The following ARHGEF19 variants were observed in gnomAD, a reference collection of about 807,000 sequenced individuals.
ARHGEF19 encodes the protein Rho guanine nucleotide exchange factor 19.
Under a neutral mutation model 87.6 loss-of-function variants are expected in ARHGEF19, and 92 were observed. The ratio of observed to expected loss-of-function variants is 1.05; its 90% CI spans 0.89 to 1.25. The LOEUF (loss-of-function observed/expected upper bound fraction) is 1.25, where lower values mean the gene tolerates loss of function less well. Among genes scored for constraint, ARHGEF19 ranks in the 50% most tolerant of loss-of-function variants. The pLI is 0.00. For synonymous variants in ARHGEF19, 438 were observed against 446.2 expected (o/e 0.98, Z 0.23); for missense variants, 1,054 against 1,051.8 (o/e 1.00, Z -0.03).
intron 13 of ARHGEF19, 24 bp from the exon 14 acceptor site, chr1:16,201,885 G>A (rs1441667824): frequency 1.1e-5 from 17 of 1,611,130 alleles, no homozygotes; most frequent in Non-Finnish European, 1.4e-5. Context: ...AGGCTAAGTT[G>A]TCACAATATG....
Position 16,207,449 on chromosome 1 carries a change from C to T in ARHGEF19, c.874+73G>A. On this transcript the variant is annotated intron_variant, in intron 5 of 15. Coordinates refer to ENST00000270747, the MANE Select transcript of ARHGEF19 (RefSeq NM_153213.5). The surrounding 1 kb of genome is among the most constrained non-coding windows in gnomAD (Gnocchi z 4.0). ...GATCCCTACCTCTCAACTCTCCAAA[C>T]CCTCTTTTCCCCGTTTCCACACCGC... is the stretch of plus-strand genomic sequence containing the variant. 6.3e-7 allele frequency: 1 copy of T among 1,577,252 alleles called. No homozygotes were observed. The highest frequency in any genetic ancestry group is 8.7e-7 in the Non-Finnish European group (1 of 1,152,544).
rs201415943 is a variant in ARHGEF19, at chr1:16,202,497, C to A, written c.1985G>T (p.Gly662Val). 142 of 1,614,192 alleles carry A rather than the reference C, an allele frequency of 8.8e-5. 1 individual carries two copies. The Middle Eastern group carries it at 1.8e-3, about 21-fold the overall frequency. ...QVRDLSLKLQGIPGHVFLLQL... is the reference protein window; with the variant it reads ...QVRDLSLKLQVIPGHVFLLQL... ...GAGGAGGAACACGTGGCCGGGGATGCCCTGCAGCTTCAGGCTCAGGTCCCG... is the reference window on the plus strand; with the variant it reads ...GAGGAGGAACACGTGGCCGGGGATGACCTGCAGCTTCAGGCTCAGGTCCCG... The change falls in exon 13 of 16, where the codon GGC becomes GTC. Residue 662 changes from glycine (G) to valine (V), a missense_variant. By Grantham distance (109) the Gly-to-Val change is moderately radical. Coordinates refer to ENST00000270747, the MANE Select transcript of ARHGEF19 (RefSeq NM_153213.5).
rs79917870 is a variant in ARHGEF19, at chr1:16,203,903, T to A, written c.1907+856A>T. 2.9e-3 allele frequency among the ~76,000 whole-genome samples: 436 copies of A among 152,360 alleles called. 1 individual carries two copies. Among genetic ancestry groups the A allele is most frequent in the African/African-American group, 0.01 (419 of 41,572 alleles). ...TATTTTCACTGTCTGAGAGCTTCTG[T>A]GAGCAGAAAACAAGTCTCATTCATA... On this transcript the variant is annotated intron_variant, in intron 12 of 15. Coordinates refer to ENST00000270747, the MANE Select transcript of ARHGEF19 (RefSeq NM_153213.5).
In ARHGEF19 at chr1:16,206,258, T is replaced by A; in HGVS notation, c.1220A>T (p.Glu407Val). Residue 407 changes from glutamate (E) to valine (V), a missense_variant, in exon 7 of 16, where the codon GAG (glutamate) becomes GTG (valine). Coordinates refer to ENST00000270747, the MANE Select transcript of ARHGEF19 (RefSeq NM_153213.5). The surrounding 1 kb of genome is among the most constrained non-coding windows in gnomAD (Gnocchi z 4.6). Reference protein sequence around the residue: ...VAVGHFLGSAELSECLGAQDK... With the variant: ...VAVGHFLGSAVLSECLGAQDK... ...CTGCGCCCCCAGACACTCGCTCAGC[T>A]CGGCAGAGCCTAAGAAGTGGCCCAC... 1.3e-6 allele frequency: 2 copies of A among 1,592,012 alleles called. No homozygotes were observed. Among genetic ancestry groups the A allele is most frequent in the Non-Finnish European group, 1.7e-6 (2 of 1,169,594 alleles).
chr1:16,207,760 C>G lies in ARHGEF19; in HGVS notation c.712G>C (p.Glu238Gln), dbSNP rs221057. The change falls in exon 4 of 16, where the codon GAG becomes CAG. Residue 238 changes from glutamate (E) to glutamine (Q), a missense_variant. Transcript: ENST00000270747. The surrounding 1 kb of genome is among the most constrained non-coding windows in gnomAD (Gnocchi z 4.0). ...CCGCTCATCTCTACACTTCGAGCCT[C>G]CATTCCAGATGCTTTCCCTGGAGAG... ...AAREGKASGM[E>Q]ARSVEMSGDR... 0.26 allele frequency: 426,346 copies of G among 1,613,732 alleles called. 59,611 individuals carry two copies. Among genetic ancestry groups the G allele is most frequent in the Admixed American group, 0.43 (25,819 of 60,014 alleles).
chr1:16,202,272 C>T lies in ARHGEF19; in HGVS notation c.2066+144G>A. 3 of 1,267,516 alleles carry T rather than the reference C, an allele frequency of 2.4e-6. No individual in the cohort carries two copies. The South Asian group carries it at 4.5e-5, about 19-fold the overall frequency. 78.5% of individuals were successfully genotyped at this position (1,267,516 alleles called of 1,614,324 possible). On this transcript the variant is annotated intron_variant, in intron 13 of 15. Coordinates refer to ENST00000270747, the MANE Select transcript of ARHGEF19 (RefSeq NM_153213.5). The stretch of plus-strand genomic sequence containing the variant: ...CTCTGCCCCTGTGTCCTGCCCAAGT[C>T]AGGGAAGAGTTGAGCACTTGGGGAG...
chr1:16,209,223 T>A (rs2081175782), intron 1 of ARHGEF19, 140 bp from the exon 2 acceptor site: 1 of 522,470 alleles, frequency 1.9e-6, no homozygotes, highest in Non-Finnish European at 3.0e-6. Context: ...TCTAATTATA[T>A]AGAAATAGCT....
At chr1:16,203,150 A>G (rs1009294177) in intron 12 of ARHGEF19, among the ~76,000 whole-genome samples, 1 of 151,760 alleles carries the variant, frequency 6.6e-6, no homozygotes, top group Non-Finnish European at 1.5e-5. Flanking sequence ...CTGACCCACA[A>G]TTTGGGCTCA....
intron 1 of ARHGEF19, 60 bp downstream of exon 1, chr1:16,212,442 C>T (rs2081205427): frequency 6.5e-6 from 1 of 152,720 alleles, no homozygotes; most frequent in South Asian, 2.1e-4. Context: ...AAAGGGCTCA[C>T]TCAGCGGGGA....
chr1:16,207,377 C>T lies in ARHGEF19; in HGVS notation c.874+145G>A. ...ATTCATTCCATAAACAAATTGAGCA[C>T]CTACTGAGTGCTAGATACCGACAGT... On this transcript the variant is annotated intron_variant, in intron 5 of 15. Coordinates refer to ENST00000270747, the MANE Select transcript of ARHGEF19 (RefSeq NM_153213.5). The surrounding 1 kb of genome is among the most constrained non-coding windows in gnomAD (Gnocchi z 4.0). 3.8e-6 allele frequency: 5 copies of T among 1,332,166 alleles called. No individual in the cohort carries two copies. The highest frequency in any genetic ancestry group is 5.1e-6 in the Non-Finnish European group (5 of 982,640). The allele number at this position is 1,332,166 out of a possible 1,614,324, so 82.5% of individuals were successfully genotyped here.
In ARHGEF19 at chr1:16,207,879, C is replaced by G; in HGVS notation, c.694+65G>C. 2 of 1,582,656 alleles carry G rather than the reference C, an allele frequency of 1.3e-6. No individual in the cohort carries two copies. Among genetic ancestry groups the G allele is most frequent in the Non-Finnish European group, 1.7e-6 (2 of 1,164,510 alleles). On this transcript the variant is annotated intron_variant, in intron 3 of 15. Transcript: ENST00000270747. This position sits in a 1 kb window ranked among gnomAD's most constrained non-coding sequence, Gnocchi z 4.0. ...CGGCCTCAGGCGGCCGGTGAGTGGGCATCGCCCACCCCCACCCCCACCCGG... is the reference window on the plus strand; with the variant it reads ...CGGCCTCAGGCGGCCGGTGAGTGGGGATCGCCCACCCCCACCCCCACCCGG...
chr1:16,207,224 G>T lies in ARHGEF19; in HGVS notation c.875-14C>A. On this transcript the variant is annotated splice_polypyrimidine_tract_variant and intron_variant, in intron 5 of 15. Transcript: ENST00000270747. The surrounding 1 kb of genome is among the most constrained non-coding windows in gnomAD (Gnocchi z 4.0). ...GATAGAGGACGGCTGGGGGAAAGAC[G>T]GGCGGGGGAGAGCGTGGGGCGCCCG... 1.3e-6 allele frequency: 2 copies of T among 1,495,952 alleles called. No homozygotes were observed. The highest frequency in any genetic ancestry group is 8.9e-7 in the Non-Finnish European group (1 of 1,127,774). The allele number at this position is 1,495,952 out of a possible 1,614,324, so 92.7% of individuals were successfully genotyped here.
chr1:16,200,172 T>C (rs1210323560), intron 14 of ARHGEF19, among the ~76,000 whole-genome samples: 2 of 152,212 alleles, frequency 1.3e-5, no homozygotes, highest in Non-Finnish European at 2.9e-5. Flanking sequence ...GGTGGGCTGG[T>C]AGCATCCAAA....
At chr1:16,201,000 G>A (rs2100263328) in intron 14 of ARHGEF19, among the ~76,000 whole-genome samples, 1 of 152,290 alleles carries the variant, frequency 6.6e-6, no homozygotes, top group East Asian at 1.9e-4. Flanking sequence ...GATTGCTTGA[G>A]TCCAGGAGTT....
At chr1:16,203,171 G>C (rs1030334607) in intron 12 of ARHGEF19, among the ~76,000 whole-genome samples, 1 of 144,448 alleles carries the variant, frequency 6.9e-6, no homozygotes, top group Admixed American at 7.5e-5. Context: ...GTAAGTACTT[G>C]TAGGCAGGAT....
intron 1 of ARHGEF19, among the ~76,000 whole-genome samples, chr1:16,209,872 A>C (rs1218745814): frequency 6.6e-6 from 1 of 152,188 alleles, no homozygotes; most frequent in Non-Finnish European, 1.5e-5. Flanking sequence ...ATGGACTGGC[A>C]GGCGGGCCAC....
rs753252668 is a variant in ARHGEF19 at position 16,205,533 on chromosome 1, G to A, written c.1581+5C>T. 1.9e-6 allele frequency: 3 copies of A among 1,613,984 alleles called. No homozygotes were observed. The highest frequency in any genetic ancestry group is 1.3e-5 in the African/African-American group (1 of 74,994). ...CCCTCACTGTGGCCTGTCCCCTCGA[G>A]GTACCTCCACCAACATCTTGAGGCG... On this transcript the variant is annotated splice_donor_5th_base_variant and intron_variant, in intron 9 of 15. Coordinates refer to ENST00000270747, the MANE Select transcript of ARHGEF19 (RefSeq NM_153213.5). This position sits in a 1 kb window ranked among gnomAD's most constrained non-coding sequence, Gnocchi z 5.8.
chr1:16,208,706 A>T lies in ARHGEF19; in HGVS notation c.349T>A (p.Trp117Arg). Residue 117 changes from tryptophan to arginine, a missense_variant, in exon 2 of 16, where the codon TGG (tryptophan) becomes AGG (arginine). Transcript: ENST00000270747. ...GAQPPALEGPWSPRHTQPQRR... is the reference protein window; with the variant it reads ...GAQPPALEGPRSPRHTQPQRR... ...TGTGGCTGTGTGTGTCGGGGACTCC[A>T]GGGTCCCTCCAGAGCTGGGGGCTGG... The T allele has an allele frequency of 6.2e-7, 1 of 1,607,428 alleles. No individual in the cohort carries two copies. The highest frequency in any genetic ancestry group is 8.5e-7 in the Non-Finnish European group (1 of 1,177,956).
At position 16,207,327 on chromosome 1, in the gene ARHGEF19, A is replaced by G. The variant is rs2081149538; in HGVS notation, c.875-117T>C. 13 of 1,381,426 alleles carry G rather than the reference A, an allele frequency of 9.4e-6. No individual in the cohort carries two copies. In the South Asian group the frequency reaches 1.3e-4, roughly 14 times the overall value. 85.6% of individuals were successfully genotyped at this position (1,381,426 alleles called of 1,614,324 possible). A position where few individuals can be genotyped will look rare whatever the true frequency, so the allele number is the denominator to read the frequency against. On this transcript the variant is annotated intron_variant, in intron 5 of 15. Transcript: ENST00000270747. This position sits in a 1 kb window ranked among gnomAD's most constrained non-coding sequence, Gnocchi z 4.0. ...CCTTTGCCGCGGTTCGGATATCTGG[A>G]CACAGTGAATTCATTCATTCATTCA... is the stretch of plus-strand genomic sequence containing the variant.
Sources: gnomAD v4.1 joint callset for allele counts (sites outside exome capture counted in the v4.1 genomes callset) on GRCh38, gnomAD v4.1.1 for gene constraint, Gnocchi (gnomAD v3.1) non-coding constraint, MANE v1.5 for transcripts, NCBI Gene and HGNC (gene_info 2026-07-23, HGNC 2026-07-21) for gene names.